The following CDH18 variants were observed in gnomAD, a reference collection of about 807,000 sequenced individuals.
CDH18 encodes the protein cadherin 18.
Under a neutral mutation model 67.9 loss-of-function variants are expected in CDH18, and 31 were observed. The ratio of observed to expected loss-of-function variants is 0.46; its 90% CI spans 0.34 to 0.62. The LOEUF (loss-of-function observed/expected upper bound fraction) is 0.62. Among genes scored for constraint, CDH18 ranks in the 20% least tolerant of loss-of-function variants. The pLI is 0.01. For missense variants in CDH18, 890 were observed against 975.5 expected (o/e 0.91, Z 1.17); for synonymous variants, 362 against 347.2 (o/e 1.04, Z -0.48).
At chr5:19,856,050 CT>C in intron 2 of CDH18, among the ~76,000 whole-genome samples, 1 of 152,196 alleles carries the variant, frequency 6.6e-6, no homozygotes, top group Non-Finnish European at 1.5e-5. Context: ...AGAGCTTCTA[CT>C]TTGTTTCAAT....
intron 1 of CDH18, among the ~76,000 whole-genome samples, chr5:20,281,395 G>T (rs1394454060): frequency 2.0e-5 from 3 of 152,108 alleles, no homozygotes; most frequent in Non-Finnish European, 4.4e-5. Flanking sequence ...TAAGGTGTAA[G>T]GAAGGGATCC....
intron 1 of CDH18, among the ~76,000 whole-genome samples, chr5:20,534,860 G>T (rs932043425): frequency 1.2e-5 from 1 of 83,670 alleles, no homozygotes; most frequent in African/African-American, 6.3e-5. Flanking sequence ...TATTTATTTA[G>T]AGTCAGGGTC....
intron 5 of CDH18, among the ~76,000 whole-genome samples, chr5:19,697,712 T>C (rs1762715010): frequency 6.6e-6 from 1 of 152,172 alleles, no homozygotes; most frequent in African/African-American, 2.4e-5. Flanking sequence ...AAAAAACACT[T>C]TGTTAGGGTC....
chr5:20,449,506 C>G (rs1321609230), intron 1 of CDH18, among the ~76,000 whole-genome samples: 1 of 151,876 alleles, frequency 6.6e-6, no homozygotes, highest in African/African-American at 2.4e-5. Context: ...AATAACATCT[C>G]CCACAATATG....
chr5:19,994,820 TATAA>T (rs1735834077), intron 2 of CDH18, among the ~76,000 whole-genome samples: 1 of 69,604 alleles, frequency 1.4e-5, no homozygotes, highest in Non-Finnish European at 2.6e-5. Context: ...TGTGTGTATA[TATAA>T]AGAGAATATA....
rs199933828 is a variant in CDH18, at chr5:20,573,909, TTA to T, written c.-580+1551_-580+1552del. ...ATATAAAAGAAATATATATATGTAT[TTA>T]TATATATAAAAGAAATATATATATA... On this transcript the variant is annotated intron_variant, in intron 1 of 14. Coordinates refer to the CDH18 transcript ENST00000507958. Among the ~76,000 whole-genome samples the T allele has an allele frequency of 1.8e-4, 7 of 39,830 alleles. No individual in the cohort carries two copies. The South Asian group carries it at 2.7e-3, about 16-fold the overall frequency. The allele number at this position is 39,830 out of a possible 152,430, so 26.1% of individuals were successfully genotyped here.
chr5:20,030,724 A>G lies in CDH18; in HGVS notation c.-517-38710T>C, dbSNP rs549612226. Among the ~76,000 whole-genome samples the G allele has an allele frequency of 5.9e-5, 9 of 152,298 alleles. No homozygotes were observed. The South Asian group carries it at 1.7e-3, about 28-fold the overall frequency. On this transcript the variant is annotated intron_variant, in intron 2 of 14. Transcript: ENST00000507958. ...GCTGAAGATAATTATTCACATCCCAATGAAGGTTGTATAATATTAGGAATT... is the reference window on the plus strand; with the variant it reads ...GCTGAAGATAATTATTCACATCCCAGTGAAGGTTGTATAATATTAGGAATT...
At chr5:20,024,363 C>T (rs530305009) in intron 2 of CDH18, among the ~76,000 whole-genome samples, 20 of 152,118 alleles carry the variant, frequency 1.3e-4, no homozygotes, top group African/African-American at 4.8e-4. Flanking sequence ...AAATAATAGA[C>T]AAAGTGATCT....
chr5:19,620,860 C>T (rs1055968561), intron 5 of CDH18, among the ~76,000 whole-genome samples: 2 of 152,038 alleles, frequency 1.3e-5, no homozygotes, highest in Admixed American at 6.6e-5. Flanking sequence ...GATTGCCAAA[C>T]CTTCAGCACA....
chr5:20,158,108 A>C (rs1010590508), intron 2 of CDH18, among the ~76,000 whole-genome samples: 3 of 152,188 alleles, frequency 2.0e-5, no homozygotes, highest in Non-Finnish European at 4.4e-5. Context: ...GAAATGCTGA[A>C]TATGTAATAC....
intron 1 of CDH18, among the ~76,000 whole-genome samples, chr5:20,297,145 A>G (rs1232752359): frequency 2.6e-5 from 4 of 152,208 alleles, no homozygotes; most frequent in East Asian, 3.8e-4. Flanking sequence ...TGGAATTATA[A>G]TATTTTACTA....
chr5:19,529,391 T>C (rs954215279), intron 9 of CDH18, among the ~76,000 whole-genome samples: 4 of 152,036 alleles, frequency 2.6e-5, no homozygotes, highest in Admixed American at 2.0e-4. Context: ...TACTGAATGC[T>C]TTATCCCAAG....
chr5:19,865,674 C>A (rs1461593441), intron 2 of CDH18, among the ~76,000 whole-genome samples: 2 of 152,110 alleles, frequency 1.3e-5, no homozygotes, highest in African/African-American at 4.8e-5. Context: ...TTCTTTGCCC[C>A]TTTCAGGGGT....
chr5:19,820,493 G>A (rs1013638537), intron 3 of CDH18, among the ~76,000 whole-genome samples: 10 of 152,086 alleles, frequency 6.6e-5, no homozygotes, highest in Admixed American at 3.3e-4. Context: ...TAGGCCCACC[G>A]CATTAACAGA....
intron 1 of CDH18, among the ~76,000 whole-genome samples, chr5:20,509,668 C>T (rs914038946): frequency 1.5e-4 from 1 of 6,486 alleles, no homozygotes; most frequent in East Asian, 7.9e-3. Context: ...ATCCGCCCGC[C>T]TTGGCCTCCT....
At chr5:19,719,370 T>C (rs536593453) in intron 5 of CDH18, among the ~76,000 whole-genome samples, 5 of 152,154 alleles carry the variant, frequency 3.3e-5, no homozygotes, top group African/African-American at 1.2e-4. Flanking sequence ...AAAAAGGCAG[T>C]TGAAACAGCA....
At chr5:20,572,894 T>C (rs935482049) in intron 1 of CDH18, among the ~76,000 whole-genome samples, 6 of 152,076 alleles carry the variant, frequency 3.9e-5, no homozygotes, top group Admixed American at 2.6e-4. Flanking sequence ...CTAAAATGAA[T>C]TGGTGAAGTA....
chr5:19,589,087 C>T (rs1005265201), intron 7 of CDH18, among the ~76,000 whole-genome samples: 3 of 152,058 alleles, frequency 2.0e-5, no homozygotes, highest in African/African-American at 7.2e-5. Flanking sequence ...ATAGAACTCT[C>T]CACCCCAAAA....
intron 9 of CDH18, among the ~76,000 whole-genome samples, chr5:19,525,028 AG>A (rs2126936025): frequency 6.6e-6 from 1 of 152,250 alleles, no homozygotes; most frequent in African/African-American, 2.4e-5. Context: ...TACAGGCGTG[AG>A]CCACCGCGCC....
Sources: allele counts gnomAD v4.1 joint callset (sites outside exome capture counted in the v4.1 genomes callset), GRCh38; gene constraint gnomAD v4.1.1; transcripts MANE v1.5; gene names NCBI Gene and HGNC (gene_info 2026-07-23, HGNC 2026-07-21).